RXRA: variants seen among roughly 807,000 people sequenced by gnomAD.
The protein encoded by RXRA is retinoic acid receptor RXR-alpha.
Under a neutral mutation model 44.5 loss-of-function variants are expected in RXRA, and 5 were observed. The observed-to-expected ratio is 0.11, with a 90% CI of 0.06 to 0.24. The LOEUF (loss-of-function observed/expected upper bound fraction) is 0.24. Among genes scored for constraint, RXRA ranks in the 10% least tolerant of loss-of-function variants. The probability of loss-of-function intolerance (pLI) is 1.00; values close to 1 mark genes in which losing one functional copy is unlikely to be tolerated. For missense variants in RXRA, 412 were observed against 646.5 expected, an observed-to-expected ratio of 0.64 and a Z score of 3.93; for synonymous variants, 291 against 271.4, an observed-to-expected ratio of 1.07 and a Z score of -0.71.
chr9:134,436,598 C>G lies in RXRA; in HGVS notation c.1373C>G (p.Pro458Arg). 1 of 1,613,956 alleles carries G rather than the reference C, an allele frequency of 6.2e-7. No individual in the cohort carries two copies. Among genetic ancestry groups the G allele is most frequent in the Non-Finnish European group, 8.5e-7 (1 of 1,180,006 alleles). ...TTCCTTATGGAGATGCTGGAGGCGC[C>G]GCACCAAATGACTTAGGCCTGCGGG... ...DTFLMEMLEA[P>R]HQMT The change falls in exon 10 of 10, where the codon CCG (proline) becomes CGG (arginine). Residue 458 changes from proline to arginine, a missense_variant. Coordinates refer to ENST00000481739, the MANE Select transcript of RXRA (RefSeq NM_002957.6).
At chr9:134,408,903 T>TG in intron 3 of RXRA, 37 bp from the exon 4 acceptor site, 1 of 1,434,372 alleles carries the variant, frequency 7.0e-7, no homozygotes, top group Non-Finnish European at 9.2e-7. Flanking sequence ...GCCGGGGCGG[T>TG]GGGTGCTCCC....
In RXRA at chr9:134,436,625, C is replaced by T. The variant is rs373967798; in HGVS notation, c.*11C>T. 5 of 1,613,516 alleles carry T rather than the reference C, an allele frequency of 3.1e-6. No individual in the cohort carries two copies. Among genetic ancestry groups the T allele is most frequent in the African/African-American group, 1.3e-5 (1 of 74,946 alleles). On this transcript the variant is annotated 3_prime_UTR_variant, in exon 10 of 10. Coordinates refer to ENST00000481739, the MANE Select transcript of RXRA (RefSeq NM_002957.6). ...CACCAAATGACTTAGGCCTGCGGGC[C>T]CATCCTTTGTGCCCACCCGTTCTGG...
chr9:134,425,402 C>A (rs1831415250), intron 6 of RXRA: 1 of 985,192 alleles, frequency 1.0e-6, no homozygotes, highest in African/African-American at 1.7e-5. Flanking sequence ...CCGGGTCGCT[C>A]ACAGCTTTCA....
At chr9:134,382,742 C>T (rs1830664663) in intron 1 of RXRA, among the ~76,000 whole-genome samples, 1 of 152,100 alleles carries the variant, frequency 6.6e-6, no homozygotes, top group Admixed American at 6.5e-5. Context: ...CTCTGGGAGG[C>T]CCTGGTCTGT....
intron 1 of RXRA, among the ~76,000 whole-genome samples, chr9:134,364,176 C>A (rs1327423634): frequency 6.6e-6 from 1 of 152,226 alleles, no homozygotes; most frequent in East Asian, 1.9e-4. Context: ...GAAGACACTT[C>A]CCACTCAGTG....
intron 1 of RXRA, among the ~76,000 whole-genome samples, chr9:134,385,086 G>A (rs961120760): frequency 6.6e-6 from 1 of 152,218 alleles, no homozygotes; most frequent in Non-Finnish European, 1.5e-5. Flanking sequence ...CTTCCTTGAG[G>A]CCTGGTTCCC....
intron 6 of RXRA, chr9:134,425,547 G>T (rs550417912): frequency 4.5e-4 from 360 of 797,268 alleles, no homozygotes; most frequent in African/African-American, 2.2e-3. Flanking sequence ...GCGGCAGGGT[G>T]GGGGGTGGGG....
At position 134,431,953 on chromosome 9, in the gene RXRA, G is replaced by C; in HGVS notation, c.1092G>C (p.Lys364Asn). Reference sequence around the variant, plus strand: ...AGATGCGGGACATGCAGATGGACAAGACGGAGCTGGGCTGCCTGCGCGCCA... The same window carrying C: ...AGATGCGGGACATGCAGATGGACAACACGGAGCTGGGCTGCCTGCGCGCCA... Reference protein sequence around the residue: ...VSKMRDMQMDKTELGCLRAIV... With the variant: ...VSKMRDMQMDNTELGCLRAIV... The change falls in exon 8 of 10, where the codon AAG becomes AAC. Residue 364 changes from lysine (K) to asparagine (N), a missense_variant. Lys to Asn is a moderately conservative substitution (Grantham distance 94). Coordinates refer to ENST00000481739, the MANE Select transcript of RXRA (RefSeq NM_002957.6). 6.2e-7 allele frequency: 1 copy of C among 1,614,042 alleles called. No individual in the cohort carries two copies. Among genetic ancestry groups the C allele is most frequent in the Non-Finnish European group, 8.5e-7 (1 of 1,179,960 alleles).
chr9:134,419,749 G>T (rs1831298137), intron 5 of RXRA, among the ~76,000 whole-genome samples: 1 of 152,194 alleles, frequency 6.6e-6, no homozygotes, highest in African/African-American at 2.4e-5. Flanking sequence ...CTTTCCCCAG[G>T]CCACACAGGG....
intron 1 of RXRA, among the ~76,000 whole-genome samples, chr9:134,345,091 C>T (rs1180305417): frequency 6.6e-6 from 1 of 152,216 alleles, no homozygotes; most frequent in African/African-American, 2.4e-5. Context: ...CCCCAGACTC[C>T]AGCTCTCTCC....
chr9:134,380,858 G>A (rs972412559), intron 1 of RXRA, among the ~76,000 whole-genome samples: 3 of 152,128 alleles, frequency 2.0e-5, no homozygotes, highest in Admixed American at 2.0e-4. Flanking sequence ...GCAGGCAGAC[G>A]GCACCTTCTA....
At position 134,356,146 on chromosome 9, in the gene RXRA, G is replaced by T. The variant is rs1830280874; in HGVS notation, c.28+29487G>T. Among the ~76,000 whole-genome samples, 3 of 152,268 alleles carry T rather than the reference G, an allele frequency of 2.0e-5. No homozygotes were observed. The South Asian group carries it at 6.2e-4, about 32-fold the overall frequency. On this transcript the variant is annotated intron_variant, in intron 1 of 9. Coordinates refer to ENST00000481739, the MANE Select transcript of RXRA (RefSeq NM_002957.6). ...TGGCATGTCCTTCCCTCCTGCCCCTGCCAGGTGGAGCAGGGTGGGGCCTTT... is the reference window on the plus strand; with the variant it reads ...TGGCATGTCCTTCCCTCCTGCCCCTTCCAGGTGGAGCAGGGTGGGGCCTTT...
At chr9:134,368,369 C>T (rs770336644) in intron 1 of RXRA, among the ~76,000 whole-genome samples, 83 of 152,260 alleles carry the variant, frequency 5.5e-4, no homozygotes, top group Non-Finnish European at 6.0e-4. Flanking sequence ...CACCCACTCC[C>T]CTGGGGCTGG....
chr9:134,335,341 AGGTGATGTAGTT>A (rs1829983958), intron 1 of RXRA, among the ~76,000 whole-genome samples: 1 of 152,056 alleles, frequency 6.6e-6, no homozygotes. Flanking sequence ...TTCACAGAGG[AGGTGATGTAGTT>A]GGGTTTTGAG....
intron 1 of RXRA, among the ~76,000 whole-genome samples, chr9:134,372,660 T>C (rs566208496): frequency 6.6e-6 from 1 of 152,214 alleles, no homozygotes; most frequent in African/African-American, 2.4e-5. Flanking sequence ...CTGACCCGCC[T>C]TGGGGCCCCC....
At chr9:134,432,942 C>T (rs1831555870) in intron 8 of RXRA, among the ~76,000 whole-genome samples, 1 of 152,104 alleles carries the variant, frequency 6.6e-6, no homozygotes, top group Non-Finnish European at 1.5e-5. Flanking sequence ...CTATGGGTTT[C>T]TGTGTTTGGA....
rs533751038 is a variant in RXRA, at chr9:134,385,047, G to T, written c.29-16585G>T. Among the ~76,000 whole-genome samples the T allele has an allele frequency of 3.3e-5, 5 of 152,326 alleles. No individual in the cohort carries two copies. In the South Asian group the frequency reaches 1.0e-3, roughly 32 times the overall value. ...ACAGACAGGGTGTGGGCCGTGAGTC[G>T]CTGCTGCTCAGAGCTACCCCTGCGC... On this transcript the variant is annotated intron_variant, in intron 1 of 9. Transcript: ENST00000481739.
chr9:134,351,372 C>T (rs113312624), intron 1 of RXRA, among the ~76,000 whole-genome samples: 5,053 of 152,202 alleles, frequency 0.033, 259 homozygotes, highest in African/African-American at 0.11. Context: ...GTGGTGGTCC[C>T]GGGCCCGGCA....
At chr9:134,355,620 A>T (rs1830274084) in intron 1 of RXRA, among the ~76,000 whole-genome samples, 1 of 152,002 alleles carries the variant, frequency 6.6e-6, no homozygotes. Context: ...CTGTCCACAG[A>T]CAGGTTTTCA....
Sources: allele counts gnomAD v4.1 joint callset (sites outside exome capture counted in the v4.1 genomes callset), GRCh38; gene constraint gnomAD v4.1.1; transcripts MANE v1.5; gene names NCBI Gene and HGNC (gene_info 2026-07-23, HGNC 2026-07-21).